TYK2: variants seen among roughly 807,000 people sequenced by gnomAD.
TYK2 encodes the protein tyrosine kinase 2.
TYK2 carries 65 observed loss-of-function variants against 130.9 expected under a neutral mutation model. The ratio of observed to expected loss-of-function variants is 0.50; its 90% confidence interval spans 0.41 to 0.61. The LOEUF (loss-of-function observed/expected upper bound fraction) is 0.61. Among genes scored for constraint, TYK2 ranks in the 20% least tolerant of loss-of-function variants. TYK2 has a pLI of 0.00. For missense variants in TYK2, 1,378 were observed against 1,610.7 expected, an observed-to-expected ratio of 0.86 and a Z score of 2.47; for synonymous variants, 647 against 658.9, an observed-to-expected ratio of 0.98 and a Z score of 0.28.
chr19:10,373,182 G>A (rs1568343763), intron 3 of TYK2, among the ~76,000 whole-genome samples: 2 of 150,272 alleles, frequency 1.3e-5, no homozygotes, highest in Non-Finnish European at 3.0e-5. Context: ...GATTACAGGC[G>A]CCCGCCACCA....
intron 6 of TYK2, among the ~76,000 whole-genome samples, chr19:10,366,199 C>T (rs2041655317): frequency 6.6e-6 from 1 of 151,962 alleles, no homozygotes; most frequent in South Asian, 2.1e-4. Context: ...CCCAGCTACT[C>T]AGGAGGCTGA....
Position 10,362,162 on chromosome 19 carries a change from G to T in TYK2, c.1689C>A (p.Ile563=), listed in dbSNP as rs778746477. 7.4e-6 allele frequency: 12 copies of T among 1,613,776 alleles called. No homozygotes were observed. The Admixed American group carries it at 2.0e-4, about 27-fold the overall frequency. Reference sequence around the variant, plus strand: ...TGGGGCTGGCCCGAGCCCCCCGCATGATGATGAGATTGGAGGTTTCTGGGG... The same window carrying T: ...TGGGGCTGGCCCGAGCCCCCCGCATTATGATGAGATTGGAGGTTTCTGGGG... ...PQPGETSNLI[I]MRGARASPRT... The change falls in exon 12 of 25, where the codon ATC becomes ATA. Residue 563 remains isoleucine (I), a synonymous_variant. Transcript: ENST00000525621.
rs373099769 is a variant in TYK2 at position 10,368,268 on chromosome 19, A to T, written c.317+27T>A. The stretch of plus-strand genomic sequence containing the variant: ...CAGACCAGCTTCAGCACAGGAGGGG[A>T]CGAGCTTTGCAAAGGTCTCCACCCA... On this transcript the variant is annotated intron_variant, in intron 4 of 24. Coordinates refer to ENST00000525621, the MANE Select transcript of TYK2 (RefSeq NM_003331.5). 2.5e-6 allele frequency: 4 copies of T among 1,613,972 alleles called. No individual in the cohort carries two copies. In the African/African-American group the frequency reaches 4.0e-5, roughly 16 times the overall value.
intron 3 of TYK2, among the ~76,000 whole-genome samples, chr19:10,374,814 C>T (rs1012216873): frequency 2.0e-5 from 3 of 150,632 alleles, no homozygotes; most frequent in African/African-American, 7.3e-5. Flanking sequence ...ACCCGGGAGG[C>T]GGAGGTTGCA....
In TYK2 at chr19:10,356,472, C is replaced by T. The variant is rs2041106397; in HGVS notation, c.2617+96G>A. ...GCAAGAAATTGGCACACACCCTGAA[C>T]CACTGTGCAGAGACCTCTCGTGCGC... On this transcript the variant is annotated intron_variant, in intron 18 of 24. Coordinates refer to ENST00000525621, the MANE Select transcript of TYK2 (RefSeq NM_003331.5). The T allele has an allele frequency of 3.3e-6, 5 of 1,519,986 alleles. 1 individual carries two copies. In the South Asian group the frequency reaches 5.7e-5, roughly 17 times the overall value. 94.2% of individuals were successfully genotyped at this position (1,519,986 alleles called of 1,614,324 possible). A position where few individuals can be genotyped will look rare whatever the true frequency, so the allele number is the denominator to read the frequency against.
chr19:10,357,407 C>T, intron 17 of TYK2: 1 of 660,510 alleles, frequency 1.5e-6, no homozygotes, highest in East Asian at 2.7e-5. Flanking sequence ...AACCACCACA[C>T]TCATGAACCT....
intron 5 of TYK2, among the ~76,000 whole-genome samples, chr19:10,367,610 G>A (rs993505642): frequency 3.3e-5 from 5 of 151,734 alleles, no homozygotes; most frequent in African/African-American, 9.7e-5. Flanking sequence ...GGGCCACAGA[G>A]CAAGACTCCA....
rs778352021 is a variant in TYK2 at position 10,361,982 on chromosome 19, C to T, written c.1774-27G>A. 14 of 1,613,794 alleles carry T rather than the reference C, an allele frequency of 8.7e-6. No individual in the cohort carries two copies. The highest frequency in any genetic ancestry group is 3.3e-4 in the Middle Eastern group (2 of 6,084). On this transcript the variant is annotated intron_variant, in intron 12 of 24. Transcript: ENST00000525621. The surrounding 1 kb of genome is among the most constrained non-coding windows in gnomAD (Gnocchi z 4.0). The stretch of plus-strand genomic sequence containing the variant: ...TGCGGGATCATGTGGCACAGAATAC[C>T]GCCATGGTGAAAGTTAGCAGCTGAT...
At chr19:10,351,402 G>A (rs1028678228) in intron 23 of TYK2, 13 of 423,010 alleles carry the variant, frequency 3.1e-5, no homozygotes, top group Middle Eastern at 7.4e-4. Flanking sequence ...CAGGAGGATC[G>A]TCTGAACCTG....
At chr19:10,359,395 G>A (rs1327103522) in intron 14 of TYK2, 93 bp from the exon 15 acceptor site, 5 of 1,493,328 alleles carry the variant, frequency 3.3e-6, no homozygotes, top group African/African-American at 1.4e-5. Context: ...GACTTGGCAT[G>A]TGGCTGGGGA....
rs992400702 is a variant in TYK2, at chr19:10,361,635, G to A, written c.1960-37C>T. 6.4e-6 allele frequency: 10 copies of A among 1,552,134 alleles called. No individual in the cohort carries two copies. Among genetic ancestry groups the A allele is most frequent in the South Asian group, 4.6e-5 (4 of 86,446 alleles). ...GGGCAGGTCAGGTGGCTGCAAAGCC[G>A]ACCCCTCCCATCCCACCTCCTCCAC... On this transcript the variant is annotated intron_variant, in intron 13 of 24. Transcript: ENST00000525621. This position sits in a 1 kb window ranked among gnomAD's most constrained non-coding sequence, Gnocchi z 4.0.
intron 9 of TYK2, among the ~76,000 whole-genome samples, chr19:10,363,813 C>T (rs985826920): frequency 1.3e-5 from 2 of 152,188 alleles, no homozygotes; most frequent in Non-Finnish European, 2.9e-5. Context: ...CCTGTCTGTA[C>T]GGGGGCAGCA....
In TYK2 at chr19:10,350,721, G is replaced by T; in HGVS notation, c.*113C>A. 7.6e-7 allele frequency: 1 copy of T among 1,312,528 alleles called. No individual in the cohort carries two copies. The highest frequency in any genetic ancestry group is 1.1e-6 in the Non-Finnish European group (1 of 934,374). 81.3% of individuals were successfully genotyped at this position (1,312,528 alleles called of 1,614,324 possible). A position where few individuals can be genotyped will look rare whatever the true frequency, so the allele number is the denominator to read the frequency against. Reference sequence around the variant, plus strand: ...TCTCTAGACAGGAGTAAGGCACACGGTGTGGGTGAGGCTGACATCCCCCTC... The same window carrying T: ...TCTCTAGACAGGAGTAAGGCACACGTTGTGGGTGAGGCTGACATCCCCCTC... On this transcript the variant is annotated 3_prime_UTR_variant, in exon 25 of 25. Coordinates refer to ENST00000525621, the MANE Select transcript of TYK2 (RefSeq NM_003331.5).
intron 2 of TYK2, among the ~76,000 whole-genome samples, chr19:10,379,017 C>A (rs2042275508): frequency 6.6e-6 from 1 of 152,118 alleles, no homozygotes; most frequent in African/African-American, 2.4e-5. Flanking sequence ...TGCCACCACA[C>A]CGGGCTAATT....
rs1478538932 is a variant in TYK2, at chr19:10,353,485, G to A, written c.3027+43C>T. 7.2e-6 allele frequency: 10 copies of A among 1,396,186 alleles called. No individual in the cohort carries two copies. Among genetic ancestry groups the A allele is most frequent in the African/African-American group, 1.4e-5 (1 of 69,256 alleles). 86.5% of individuals were successfully genotyped at this position (1,396,186 alleles called of 1,614,324 possible). On this transcript the variant is annotated intron_variant, in intron 21 of 24. Coordinates refer to ENST00000525621, the MANE Select transcript of TYK2 (RefSeq NM_003331.5). This position sits in a 1 kb window ranked among gnomAD's most constrained non-coding sequence, Gnocchi z 6.9. ...ATCGCTCAGGCCAGCCCAAGCTGAAGAGGAAGGGGCAAGCTCCAGAAGCAG... is the reference window on the plus strand; with the variant it reads ...ATCGCTCAGGCCAGCCCAAGCTGAAAAGGAAGGGGCAAGCTCCAGAAGCAG...
At chr19:10,372,443 C>T (rs1436817779) in intron 3 of TYK2, among the ~76,000 whole-genome samples, 1 of 130,612 alleles carries the variant, frequency 7.7e-6, no homozygotes, top group Non-Finnish European at 1.6e-5. Context: ...TACAGGAACA[C>T]GCCACCACAC....
Position 10,357,904 on chromosome 19 carries a change from TC to T in TYK2, c.2325del (p.Ile776SerfsTer16). On this transcript the variant is annotated frameshift_variant, in exon 17 of 25. Transcript: ENST00000525621. LOFTEE classifies it high-confidence loss of function. Reference sequence around the variant, plus strand: ...AGGCATTCGGGGGCCAGCCAGGGGATCCTCTCCACCCGCTCTGGGAGGCCAA... The same window carrying T: ...AGGCATTCGGGGGCCAGCCAGGGGATCTCTCCACCCGCTCTGGGAGGCCAA... ...GALSREERVE[R>X]IPWLAPECLP... is the part of the protein sequence containing the mutation. 6.2e-7 allele frequency: 1 copy of T among 1,613,510 alleles called. No individual in the cohort carries two copies. Among genetic ancestry groups the T allele is most frequent in the South Asian group, 1.1e-5 (1 of 91,088 alleles).
At position 10,380,484 on chromosome 19, in the gene TYK2, C is replaced by T. The variant is rs565198158; in HGVS notation, c.-290G>A. ...CTTCCTGAGGACCTCCGGCCGCGCTCCTTCCGCGCCCGCGTCCAGACTCAC... is the reference window on the plus strand; with the variant it reads ...CTTCCTGAGGACCTCCGGCCGCGCTTCTTCCGCGCCCGCGTCCAGACTCAC... On this transcript the variant is annotated 5_prime_UTR_variant, in exon 1 of 25. Transcript: ENST00000525621. The T allele has an allele frequency of 6.6e-6, 1 of 152,632 alleles. No individual in the cohort carries two copies. Among genetic ancestry groups the T allele is most frequent in the African/African-American group, 2.4e-5 (1 of 41,594 alleles). The allele number at this position is 152,632 out of a possible 1,614,324, so 9.5% of individuals were successfully genotyped here. A position where few individuals can be genotyped will look rare whatever the true frequency, so the allele number is the denominator to read the frequency against.
At chr19:10,368,000 T>A in intron 5 of TYK2, 55 bp downstream of exon 5, 1 of 1,606,404 alleles carries the variant, frequency 6.2e-7, no homozygotes, top group Non-Finnish European at 8.5e-7. Context: ...TGGGGGCTCC[T>A]CAACTGCCCC....
Sources: allele counts gnomAD v4.1 joint callset (sites outside exome capture counted in the v4.1 genomes callset), GRCh38; gene constraint gnomAD v4.1.1; non-coding constraint Gnocchi (gnomAD v3.1); transcripts MANE v1.5; gene names NCBI Gene and HGNC (gene_info 2026-07-23, HGNC 2026-07-21).